The following GATAD2B variants were observed in gnomAD, a reference collection of about 807,000 sequenced individuals.
The protein encoded by GATAD2B is transcriptional repressor p66-beta.
GATAD2B carries 8 observed loss-of-function variants against 64.3 expected under a neutral mutation model. That is an observed-to-expected ratio of 0.12 (90% CI 0.07 to 0.22). The LOEUF (loss-of-function observed/expected upper bound fraction) is 0.22, where lower values mean the gene tolerates loss of function less well. Among genes scored for constraint, GATAD2B ranks in the 10% least tolerant of loss-of-function variants. The probability of loss-of-function intolerance (pLI) is 1.00; values close to 1 mark genes in which losing one functional copy is unlikely to be tolerated. For synonymous variants in GATAD2B, 281 were observed against 271.3 expected (o/e 1.04, Z -0.35); for missense variants, 453 against 752.0 (o/e 0.60, Z 4.65).
At chr1:153,886,208 A>G (rs1677179083) in intron 1 of GATAD2B, among the ~76,000 whole-genome samples, 1 of 152,220 alleles carries the variant, frequency 6.6e-6, no homozygotes, top group Non-Finnish European at 1.5e-5. Flanking sequence ...AACAACAGGG[A>G]TACATTCTGA....
At chr1:153,892,478 G>A (rs945655393) in intron 1 of GATAD2B, among the ~76,000 whole-genome samples, 9 of 152,016 alleles carry the variant, frequency 5.9e-5, no homozygotes, top group African/African-American at 2.2e-4. Flanking sequence ...CACTCACCTA[G>A]AACTCTCTAG....
intron 1 of GATAD2B, among the ~76,000 whole-genome samples, chr1:153,850,265 A>G (rs1233206184): frequency 3.9e-5 from 6 of 152,018 alleles, no homozygotes; most frequent in Non-Finnish European, 7.4e-5. Flanking sequence ...CAAGCTGGTG[A>G]TAATAATTTA....
At chr1:153,866,378 G>A (rs560961345) in intron 1 of GATAD2B, among the ~76,000 whole-genome samples, 1 of 152,148 alleles carries the variant, frequency 6.6e-6, no homozygotes, top group Non-Finnish European at 1.5e-5. Context: ...TCTCAACCAA[G>A]CTTCTGAGAT....
At chr1:153,847,844 T>C (rs374800654) in intron 1 of GATAD2B, among the ~76,000 whole-genome samples, 2 of 152,348 alleles carry the variant, frequency 1.3e-5, no homozygotes, top group East Asian at 3.9e-4. Context: ...GTAATTTCTA[T>C]TGTTCCTAAT....
chr1:153,891,177 G>A (rs1037442927), intron 1 of GATAD2B, among the ~76,000 whole-genome samples: 8 of 147,050 alleles, frequency 5.4e-5, no homozygotes, highest in African/African-American at 1.0e-4. Context: ...GCGAGATTCC[G>A]CCTCAAAGAA....
intron 1 of GATAD2B, chr1:153,922,128 G>A (rs565741605): frequency 6.6e-6 from 1 of 152,102 alleles, no homozygotes; most frequent in East Asian, 1.9e-4. Context: ...GAAATAAAGG[G>A]GTAAGGTTAT....
At chr1:153,905,654 C>A (rs895260149) in intron 1 of GATAD2B, among the ~76,000 whole-genome samples, 7 of 151,074 alleles carry the variant, frequency 4.6e-5, no homozygotes, top group Non-Finnish European at 1.0e-4. Flanking sequence ...TGTGGTAGCC[C>A]GGCATAGTGG....
At chr1:153,885,794 C>T (rs1424958094) in intron 1 of GATAD2B, among the ~76,000 whole-genome samples, 5 of 146,582 alleles carry the variant, frequency 3.4e-5, no homozygotes, top group African/African-American at 1.0e-4. Context: ...ACCCAGGAGG[C>T]GGAGCTTGCA....
chr1:153,875,563 T>G (rs1676798079), intron 1 of GATAD2B, among the ~76,000 whole-genome samples: 1 of 152,016 alleles, frequency 6.6e-6, no homozygotes, highest in Admixed American at 6.6e-5. Flanking sequence ...ACTCTGCTTT[T>G]GTAAGCAAGT....
intron 1 of GATAD2B, among the ~76,000 whole-genome samples, chr1:153,874,281 G>A (rs895586494): frequency 9.2e-5 from 14 of 151,636 alleles, no homozygotes; most frequent in Non-Finnish European, 1.9e-4. Context: ...AAAAAAGAGA[G>A]AGGGAAAGAA....
intron 1 of GATAD2B, among the ~76,000 whole-genome samples, chr1:153,893,197 C>T (rs1202840094): frequency 5.9e-5 from 9 of 152,160 alleles, no homozygotes. Context: ...AAAACAGTGA[C>T]ACTTTTCTTC....
intron 1 of GATAD2B, among the ~76,000 whole-genome samples, chr1:153,833,248 T>A (rs1675140751): frequency 6.6e-6 from 1 of 152,112 alleles, no homozygotes; most frequent in Non-Finnish European, 1.5e-5. Context: ...AGGCTAAATC[T>A]ACTCTGCCTG....
rs1337421419 is a variant in GATAD2B at position 153,818,105 on chromosome 1, G to A, written c.664C>T (p.Leu222=). The A allele has an allele frequency of 3.7e-6, 6 of 1,612,910 alleles. No homozygotes were observed. ...PSPAHVGQQG[L]SKLPSRPGAQ... is the part of the protein sequence containing the mutation. ...CCAGGCCGAGAGGGAAGCTTAGATA[G>A]GCCCTGCTGTCCCACATGGGCAGGA... The change falls in exon 5 of 11, where the codon CTA becomes TTA. Residue 222 remains leucine, a synonymous_variant. Transcript: ENST00000368655.
At chr1:153,848,199 CT>C (rs1295027840) in intron 1 of GATAD2B, among the ~76,000 whole-genome samples, 1 of 152,182 alleles carries the variant, frequency 6.6e-6, no homozygotes, top group Non-Finnish European at 1.5e-5. Flanking sequence ...TCCCTGAACC[CT>C]TCTACAGCAA....
chr1:153,818,792 T>C lies in GATAD2B; in HGVS notation c.596A>G (p.Lys199Arg). Residue 199 changes from lysine (K) to arginine (R), a missense_variant and splice_region_variant, in exon 4 of 11, where the codon AAG (lysine) becomes AGG (arginine). Transcript: ENST00000368655. ...TCCCTTATTTCTAGGGCACATTACC[T>C]TCTGGACCACATTCTCTTTCTGTAG... ...SQLQKENVVQ[K>R]TPVVQNAASI... 6.2e-7 allele frequency: 1 copy of C among 1,613,408 alleles called. No individual in the cohort carries two copies. Among genetic ancestry groups the C allele is most frequent in the Non-Finnish European group, 8.5e-7 (1 of 1,179,946 alleles).
intron 1 of GATAD2B, among the ~76,000 whole-genome samples, chr1:153,896,966 A>T (rs997955643): frequency 6.6e-6 from 1 of 152,184 alleles, no homozygotes; most frequent in Admixed American, 6.6e-5. Context: ...TTGGTTAAAC[A>T]AATACTTCCA....
intron 1 of GATAD2B, among the ~76,000 whole-genome samples, chr1:153,856,082 C>T (rs528697753): frequency 6.6e-6 from 1 of 152,322 alleles, no homozygotes; most frequent in Non-Finnish European, 1.5e-5. Context: ...CCACTTTCCT[C>T]ATCTTCAAGT....
intron 1 of GATAD2B, among the ~76,000 whole-genome samples, chr1:153,837,769 GT>G (rs1404076744): frequency 1.3e-5 from 2 of 152,026 alleles, no homozygotes; most frequent in African/African-American, 4.8e-5. Context: ...TTATAAAACT[GT>G]AAAAATAATA....
Position 153,811,758 on chromosome 1 carries a change from C to G in GATAD2B, c.1621G>C (p.Val541Leu). The G allele has an allele frequency of 6.2e-7, 1 of 1,611,104 alleles. No homozygotes were observed. Among genetic ancestry groups the G allele is most frequent in the African/African-American group, 1.3e-5 (1 of 74,888 alleles). The change falls in exon 10 of 11, where the codon GTG (valine) becomes CTG (leucine). Residue 541 changes from valine to leucine, a missense_variant. Transcript: ENST00000368655. The part of the protein sequence containing the change: ...SNFAQAPQLS[V>L]PGGLLGMPGV... Reference sequence around the variant, plus strand: ...GGCATACCAAGGAGGCCACCTGGCACAGACAACTGGGGTGCCTGTGCAAAG... The same window carrying G: ...GGCATACCAAGGAGGCCACCTGGCAGAGACAACTGGGGTGCCTGTGCAAAG...
Sources: gnomAD v4.1 joint callset for allele counts (sites outside exome capture counted in the v4.1 genomes callset) on GRCh38, gnomAD v4.1.1 for gene constraint, MANE v1.5 for transcripts, NCBI Gene and HGNC (gene_info 2026-07-23, HGNC 2026-07-21) for gene names.